CCDC175: variants seen among roughly 807,000 people sequenced by gnomAD.
The protein encoded by CCDC175 is coiled-coil domain containing 175.
In CCDC175, 100 loss-of-function variants were observed where a neutral mutation model predicts 114.6. The observed-to-expected ratio is 0.87, with a 90% CI of 0.74 to 1.03. CCDC175 has a LOEUF of 1.03. Among genes scored for constraint, CCDC175 ranks in the 50% least tolerant of loss-of-function variants. The probability of loss-of-function intolerance (pLI) is 0.00; values close to 1 mark genes in which losing one functional copy is unlikely to be tolerated. For synonymous variants in CCDC175, 306 were observed against 308.7 expected, an observed-to-expected ratio of 0.99 and a Z score of 0.09; for missense variants, 880 against 917.8, an observed-to-expected ratio of 0.96 and a Z score of 0.53.
intron 7 of CCDC175, among the ~76,000 whole-genome samples, chr14:59,557,472 G>T (rs1330732557): frequency 1.5e-5 from 2 of 135,506 alleles, no homozygotes; most frequent in Admixed American, 7.6e-5. Context: ...GTTGTGGGGT[G>T]GGGGGAGGGG....
intron 4 of CCDC175, 116 bp from the exon 5 acceptor site, chr14:59,565,391 A>G (rs1896475573): frequency 1.2e-6 from 1 of 852,522 alleles, no homozygotes. Flanking sequence ...TTATTTTATG[A>G]CTGTGTTTAT....
chr14:59,525,709 C>A (rs561875314), intron 15 of CCDC175, among the ~76,000 whole-genome samples: 2 of 152,166 alleles, frequency 1.3e-5, no homozygotes, highest in Admixed American at 6.6e-5. Context: ...GTGGGTTCCG[C>A]ATTTGTGGAT....
intron 10 of CCDC175, among the ~76,000 whole-genome samples, chr14:59,542,747 C>T (rs1166758508): frequency 6.6e-6 from 1 of 152,088 alleles, no homozygotes; most frequent in South Asian, 2.1e-4. Context: ...ATATATCCTT[C>T]ACCAAATTCT....
At position 59,538,093 on chromosome 14, in the gene CCDC175, T is replaced by A. The variant is rs1894522237; in HGVS notation, c.1553A>T (p.Glu518Val). The A allele has an allele frequency of 6.5e-7, 1 of 1,533,300 alleles. No individual in the cohort carries two copies. Among genetic ancestry groups the A allele is most frequent in the Non-Finnish European group, 8.7e-7 (1 of 1,143,510 alleles). The allele number at this position is 1,533,300 out of a possible 1,614,324, so 95.0% of individuals were successfully genotyped here. The part of the protein sequence containing the change: ...FVAQIEKLTT[E>V]LKEEEKAFVN... ...AAATGCTTTCTCCTCTTCTTTTAATTCTGTTGTAAGTTTTTCAATCTGTGC... is the reference window on the plus strand; with the variant it reads ...AAATGCTTTCTCCTCTTCTTTTAATACTGTTGTAAGTTTTTCAATCTGTGC... Residue 518 changes from glutamate to valine, a missense_variant, in exon 13 of 20, where the codon GAA becomes GTA. Glu to Val is a moderately radical substitution (Grantham distance 121, BLOSUM62 -2). Coordinates refer to ENST00000537690, the MANE Select transcript of CCDC175 (RefSeq NM_001164399.2).
At chr14:59,566,618 C>A (rs999505677) in intron 4 of CCDC175, among the ~76,000 whole-genome samples, 2 of 152,002 alleles carry the variant, frequency 1.3e-5, no homozygotes, top group Non-Finnish European at 2.9e-5. Context: ...TAAGTGAAAT[C>A]AAAAAACCTC....
At chr14:59,574,468 T>G (rs1485244680) in intron 2 of CCDC175, among the ~76,000 whole-genome samples, 2 of 152,232 alleles carry the variant, frequency 1.3e-5, no homozygotes, top group African/African-American at 4.8e-5. Context: ...TTGTTTTCAC[T>G]AACAGTACCG....
In CCDC175 at chr14:59,545,195, T is replaced by C. The variant is rs906906799; in HGVS notation, c.1140A>G (p.Lys380=). 5 of 1,536,874 alleles carry C rather than the reference T, an allele frequency of 3.3e-6. No homozygotes were observed. Among genetic ancestry groups the C allele is most frequent in the Non-Finnish European group, 4.4e-6 (5 of 1,146,748 alleles). The change falls in exon 9 of 20, where the codon AAA becomes AAG. Residue 380 remains lysine (K), a synonymous_variant. Transcript: ENST00000537690. The part of the protein sequence containing the change: ...QYKIVLSEEE[K]AFLQKQKIHD... ...GAATCTTTTGTTTTTGCAAAAAAGC[T>C]TTTTCTTCCTCACTTAAAACAATCT...
rs1018937185 is a variant in CCDC175 at position 59,511,792 on chromosome 14, C to T, written c.2110G>A (p.Asp704Asn). 2 of 1,534,640 alleles carry T rather than the reference C, an allele frequency of 1.3e-6. No individual in the cohort carries two copies. The highest frequency in any genetic ancestry group is 2.7e-5 in the African/African-American group (2 of 72,956). ...QLIAQEAQYK[D>N]LWAEFQTTVK... ...GTGGTCTGAAATTCAGCCCACAAAT[C>T]CTTATATTGTGCTAAAATAAAGATT... Residue 704 changes from aspartate to asparagine, a missense_variant, in exon 18 of 20, where the codon GAT (aspartate) becomes AAT (asparagine). Transcript: ENST00000537690.
chr14:59,551,288 T>A (rs777842107), intron 8 of CCDC175, 67 bp downstream of exon 8: 6 of 728,552 alleles, frequency 8.2e-6, no homozygotes, highest in African/African-American at 1.8e-5. Flanking sequence ...ATTTCTCACA[T>A]ATTTTAAACA....
At chr14:59,528,913 A>G (rs1893902979) in intron 14 of CCDC175, among the ~76,000 whole-genome samples, 1 of 152,136 alleles carries the variant, frequency 6.6e-6, no homozygotes, top group Non-Finnish European at 1.5e-5. Flanking sequence ...AAAATGCAAT[A>G]TATTTATTTC....
chr14:59,533,684 GGTTGA>G (rs1463535661), intron 13 of CCDC175, among the ~76,000 whole-genome samples: 3 of 151,870 alleles, frequency 2.0e-5, no homozygotes, highest in East Asian at 3.9e-4. Flanking sequence ...CATTTAAGCA[GGTTGA>G]GTTAAGAAAC....
intron 1 of CCDC175, among the ~76,000 whole-genome samples, chr14:59,576,023 A>C (rs1249819768): frequency 6.6e-6 from 1 of 152,186 alleles, no homozygotes; most frequent in Non-Finnish European, 1.5e-5. Context: ...AACAAGAAAC[A>C]CCCTTTCTTG....
chr14:59,525,740 T>A (rs762834851), intron 15 of CCDC175, among the ~76,000 whole-genome samples: 1 of 152,172 alleles, frequency 6.6e-6, no homozygotes, highest in Non-Finnish European at 1.5e-5. Flanking sequence ...ATGAATAGAA[T>A]ACATTCACAA....
At chr14:59,515,055 C>T (rs772552665) in intron 17 of CCDC175, among the ~76,000 whole-genome samples, 2 of 152,126 alleles carry the variant, frequency 1.3e-5, no homozygotes, top group African/African-American at 4.8e-5. Context: ...AATTTAATAT[C>T]CAGCCAAACT....
rs9323350 is a variant in CCDC175, at chr14:59,524,002, G to T, written c.1995+1280C>A. Among the ~76,000 whole-genome samples the T allele has an allele frequency of 4.0e-3, 590 of 147,578 alleles. 4 individuals carry two copies. The highest frequency in any genetic ancestry group is 0.014 in the African/African-American group (553 of 40,400). ...AGACTCCGTCTCAAAAAAGAAAAAA[G>T]AAAAAAAAAAAGTCACATTCAACCT... On this transcript the variant is annotated intron_variant, in intron 16 of 19. Coordinates refer to ENST00000537690, the MANE Select transcript of CCDC175 (RefSeq NM_001164399.2).
chr14:59,512,511 C>G (rs1441454550), intron 17 of CCDC175, among the ~76,000 whole-genome samples: 1 of 152,184 alleles, frequency 6.6e-6, no homozygotes, highest in Non-Finnish European at 1.5e-5. Flanking sequence ...TTCCTTCATA[C>G]TTTGCCCTCT....
At chr14:59,508,565 C>CAAAA (rs565175219) in intron 19 of CCDC175, among the ~76,000 whole-genome samples, 42,186 of 74,038 alleles carry the variant, frequency 0.57, 12,354 homozygotes, top group East Asian at 0.78. Flanking sequence ...GGCCCTGTCT[C>CAAAA]AAAAAAAAAA....
chr14:59,513,158 T>A (rs1244459702), intron 17 of CCDC175, among the ~76,000 whole-genome samples: 4 of 152,092 alleles, frequency 2.6e-5, no homozygotes, highest in African/African-American at 4.8e-5. Context: ...TTGCTTCACA[T>A]CATATAAAAA....
intron 6 of CCDC175, among the ~76,000 whole-genome samples, chr14:59,562,648 C>A (rs911436941): frequency 3.9e-5 from 6 of 152,104 alleles, no homozygotes; most frequent in African/African-American, 1.4e-4. Flanking sequence ...TTTACTCCTG[C>A]CGCCTTCAAA....
Sources: allele counts gnomAD v4.1 joint callset (sites outside exome capture counted in the v4.1 genomes callset), GRCh38; gene constraint gnomAD v4.1.1; transcripts MANE v1.5; gene names NCBI Gene and HGNC (gene_info 2026-07-23, HGNC 2026-07-21).